PLEKHA6: variants seen among roughly 807,000 people sequenced by gnomAD.
The protein encoded by PLEKHA6 is pleckstrin homology domain-containing family A member 6.
In PLEKHA6, 60 loss-of-function variants were observed where a neutral mutation model predicts 116.7. The observed-to-expected ratio is 0.51, with a 90% CI of 0.42 to 0.64. The LOEUF (loss-of-function observed/expected upper bound fraction) is 0.64. PLEKHA6 is among the 30% of genes least tolerant of loss of function. The probability of loss-of-function intolerance (pLI) is 0.00; values close to 1 mark genes in which losing one functional copy is unlikely to be tolerated. For missense variants in PLEKHA6, 1,338 were observed against 1,422.7 expected (o/e 0.94, Z 0.96); for synonymous variants, 489 against 556.1 (o/e 0.88, Z 1.70).
At position 204,286,244 on chromosome 1, in the gene PLEKHA6, G is replaced by A. The variant is rs527806011; in HGVS notation, c.-94-11435C>T. On this transcript the variant is annotated intron_variant, in intron 1 of 22. Transcript: ENST00000272203. ...AGAGGTGCTCCTAGGCCTAGACCTAGCCTAGAGAACCTGCTGGCTATAGCC... is the reference window on the plus strand; with the variant it reads ...AGAGGTGCTCCTAGGCCTAGACCTAACCTAGAGAACCTGCTGGCTATAGCC... 1.0e-3 allele frequency among the ~76,000 whole-genome samples: 152 copies of A among 152,264 alleles called. 1 individual carries two copies. The South Asian group carries it at 0.016, about 16-fold the overall frequency.
At chr1:204,344,838 G>T (rs1417859472) in intron 1 of PLEKHA6, among the ~76,000 whole-genome samples, 3 of 152,112 alleles carry the variant, frequency 2.0e-5, no homozygotes, top group Non-Finnish European at 4.4e-5. Context: ...TGACTGGGAA[G>T]CAGGGATCCT....
intron 17 of PLEKHA6, among the ~76,000 whole-genome samples, chr1:204,240,598 T>C (rs1365894870): frequency 6.6e-6 from 1 of 152,208 alleles, no homozygotes; most frequent in Non-Finnish European, 1.5e-5. Flanking sequence ...TAATAGTATT[T>C]GGGTTGGGGA....
At chr1:204,296,416 T>A (rs1348458042) in intron 1 of PLEKHA6, among the ~76,000 whole-genome samples, 1 of 152,116 alleles carries the variant, frequency 6.6e-6, no homozygotes, top group Non-Finnish European at 1.5e-5. Context: ...GGCATTTAGA[T>A]TTTGCATGCC....
At chr1:204,368,609 C>T (rs951625282) in intron 2 of PLEKHA6, 15 of 152,524 alleles carry the variant, frequency 9.8e-5, no homozygotes, top group African/African-American at 3.6e-4. Context: ...TAGGCACTAT[C>T]TCATCCTGCT....
intron 1 of PLEKHA6, among the ~76,000 whole-genome samples, chr1:204,328,171 C>A (rs1009583831): frequency 6.6e-6 from 1 of 151,856 alleles, no homozygotes; most frequent in Non-Finnish European, 1.5e-5. Flanking sequence ...CAACCTCTGC[C>A]TCCTGGGTTC....
chr1:204,255,183 A>G (rs187252794), intron 9 of PLEKHA6, among the ~76,000 whole-genome samples: 81 of 152,334 alleles, frequency 5.3e-4, no homozygotes, highest in South Asian at 4.3e-3. Context: ...GCCTCAGTTT[A>G]CCAATTATGG....
At chr1:204,241,585 G>T in intron 16 of PLEKHA6, 100 bp downstream of exon 16, 2 of 1,439,832 alleles carry the variant, frequency 1.4e-6, no homozygotes, top group Non-Finnish European at 1.9e-6. Flanking sequence ...AGATTAAAAA[G>T]CCCAGGGTGT....
chr1:204,266,892 C>T (rs1398432323), intron 5 of PLEKHA6, among the ~76,000 whole-genome samples: 1 of 152,132 alleles, frequency 6.6e-6, no homozygotes, highest in Admixed American at 6.5e-5. Flanking sequence ...CTTGGCACAA[C>T]TTTTAAAAAT....
At chr1:204,342,349 C>T (rs186356037) in intron 1 of PLEKHA6, among the ~76,000 whole-genome samples, 1 of 152,246 alleles carries the variant, frequency 6.6e-6, no homozygotes, top group East Asian at 1.9e-4. Flanking sequence ...ACAAAAAAAC[C>T]TTTATTATGA....
intron 2 of PLEKHA6, among the ~76,000 whole-genome samples, chr1:204,370,852 G>T (rs1673759943): frequency 6.6e-6 from 1 of 152,074 alleles, no homozygotes; most frequent in African/African-American, 2.4e-5. Flanking sequence ...TCAGGAGTTT[G>T]AGACCAGCCT....
At chr1:204,250,838 A>T (rs1664455018) in intron 9 of PLEKHA6, among the ~76,000 whole-genome samples, 1 of 152,104 alleles carries the variant, frequency 6.6e-6, no homozygotes, top group Non-Finnish European at 1.5e-5. Flanking sequence ...CTCCGGAGAG[A>T]TCAGAACTCT....
intron 1 of PLEKHA6, among the ~76,000 whole-genome samples, chr1:204,322,081 C>T (rs1227689625): frequency 1.3e-5 from 2 of 152,246 alleles, no homozygotes; most frequent in African/African-American, 2.4e-5. Context: ...AGCTAGTCCT[C>T]GAATTAACTC....
At chr1:204,301,678 G>A (rs1670836107) in intron 1 of PLEKHA6, among the ~76,000 whole-genome samples, 1 of 152,154 alleles carries the variant, frequency 6.6e-6, no homozygotes, top group East Asian at 1.9e-4. Flanking sequence ...CAATTGTGAG[G>A]GGGATGATGA....
In PLEKHA6 at chr1:204,219,058, C is replaced by T. The variant is rs1438435419; in HGVS notation, c.*3730G>A. 1 of 152,516 alleles carries T rather than the reference C, an allele frequency of 6.6e-6. No homozygotes were observed. The highest frequency in any genetic ancestry group is 1.5e-5 in the Non-Finnish European group (1 of 68,024). 9.4% of individuals were successfully genotyped at this position (152,516 alleles called of 1,614,324 possible). On this transcript the variant is annotated 3_prime_UTR_variant, in exon 23 of 23. Coordinates refer to ENST00000272203, the MANE Select transcript of PLEKHA6 (RefSeq NM_014935.5). ...GAAAGATGCTAAGGGGATGCTACAGCTGTTTGTCCCCTGACAGAGATTCCA... is the reference window on the plus strand; with the variant it reads ...GAAAGATGCTAAGGGGATGCTACAGTTGTTTGTCCCCTGACAGAGATTCCA...
intron 1 of PLEKHA6, among the ~76,000 whole-genome samples, chr1:204,323,088 C>T (rs1177892342): frequency 2.6e-5 from 4 of 152,230 alleles, no homozygotes; most frequent in Non-Finnish European, 5.9e-5. Flanking sequence ...TGCTAAGGGT[C>T]TACAGCTATG....
At chr1:204,340,006 T>C (rs17405926) in intron 1 of PLEKHA6, among the ~76,000 whole-genome samples, 29,433 of 152,182 alleles carry the variant, frequency 0.19, 3,383 homozygotes, top group Non-Finnish European at 0.26. Context: ...TCCTTTAACA[T>C]TTGCTTACCC....
chr1:204,369,833 A>T (rs1271986710), intron 2 of PLEKHA6: 7 of 152,246 alleles, frequency 4.6e-5, no homozygotes, highest in Non-Finnish European at 8.8e-5. Flanking sequence ...ACTGAAGGTG[A>T]CACCACCATC....
chr1:204,241,612 T>A, intron 16 of PLEKHA6, 73 bp downstream of exon 16: 5 of 1,484,686 alleles, frequency 3.4e-6, no homozygotes, highest in Non-Finnish European at 4.5e-6. Flanking sequence ...AGGTTTTGGG[T>A]GTGAATGAGC....
At position 204,241,469 on chromosome 1, in the gene PLEKHA6, G is replaced by A; in HGVS notation, c.2315C>T (p.Pro772Leu). The A allele has an allele frequency of 6.2e-7, 1 of 1,602,786 alleles. No homozygotes were observed. Among genetic ancestry groups the A allele is most frequent in the Non-Finnish European group, 8.5e-7 (1 of 1,174,298 alleles). ...ATCAGTGGGCGATTTTGTCCGAGGGGGCACAACGCCAACTGCAGAAAGACA... is the reference window on the plus strand; with the variant it reads ...ATCAGTGGGCGATTTTGTCCGAGGGAGCACAACGCCAACTGCAGAAAGACA... ...QAALNKVGVV[P>L]PRTKSPTDDE... Residue 772 changes from proline to leucine, a missense_variant, in exon 17 of 23, where the codon CCC becomes CTC. This residue lies in a region of PLEKHA6 where 1,136 missense variants were observed against 1,163.6 expected (regional missense o/e 0.98). Transcript: ENST00000272203.
Sources: allele counts gnomAD v4.1 joint callset (sites outside exome capture counted in the v4.1 genomes callset), GRCh38; gene constraint gnomAD v4.1.1; regional missense constraint gnomAD v4.1.1; transcripts MANE v1.5; gene names NCBI Gene and HGNC (gene_info 2026-07-23, HGNC 2026-07-21).